The following DIP2A variants were observed in gnomAD, a reference collection of about 807,000 sequenced individuals.
DIP2A encodes DIP2 acetate--CoA ligase A.
A neutral mutation model predicts 177.4 loss-of-function variants in DIP2A; 85 were observed. The observed-to-expected ratio is 0.48, with a 90% CI of 0.40 to 0.57. DIP2A has a LOEUF of 0.57. Among genes scored for constraint, DIP2A ranks in the 20% least tolerant of loss-of-function variants. The pLI is 0.00. For synonymous variants in DIP2A, 886 were observed against 881.8 expected (o/e 1.00, Z -0.08); for missense variants, 1,791 against 2,100.2 (o/e 0.85, Z 2.88).
Position 46,570,002 on chromosome 21 carries a change from G to C in DIP2A, c.*2380G>C, listed in dbSNP as rs1294850318. The C allele has an allele frequency of 6.6e-6, 1 of 152,096 alleles. No individual in the cohort carries two copies. Among genetic ancestry groups the C allele is most frequent in the Non-Finnish European group, 1.5e-5 (1 of 68,022 alleles). The allele number at this position is 152,096 out of a possible 1,614,324, so 9.4% of individuals were successfully genotyped here. On this transcript the variant is annotated 3_prime_UTR_variant, in exon 38 of 38. Transcript: ENST00000417564. Reference sequence around the variant, plus strand: ...TTGCTTTTGTACTTAATAAATTATAGACTTTAAAATCTATTACATATATTC... The same window carrying C: ...TTGCTTTTGTACTTAATAAATTATACACTTTAAAATCTATTACATATATTC...
intron 1 of DIP2A, among the ~76,000 whole-genome samples, chr21:46,464,769 A>G (rs914219084): frequency 2.8e-5 from 4 of 141,298 alleles, no homozygotes; most frequent in African/African-American, 1.1e-4. Flanking sequence ...GCCGCTCAAC[A>G]CTGCTGCATT....
chr21:46,495,837 G>T lies in DIP2A; in HGVS notation c.284-1151G>T, dbSNP rs570492239. On this transcript the variant is annotated intron_variant, in intron 3 of 37. Transcript: ENST00000417564. ...ACCTATAATCCCAGCACTTACAGAGGCCAAGGCGGGCGGATCACCATGTCA... is the reference window on the plus strand; with the variant it reads ...ACCTATAATCCCAGCACTTACAGAGTCCAAGGCGGGCGGATCACCATGTCA... 2.1e-4 allele frequency among the ~76,000 whole-genome samples: 32 copies of T among 152,042 alleles called. 1 individual carries two copies. The South Asian group carries it at 6.6e-3, about 32-fold the overall frequency.
chr21:46,494,668 C>T (rs2057205993), intron 3 of DIP2A, among the ~76,000 whole-genome samples: 1 of 152,206 alleles, frequency 6.6e-6, no homozygotes, highest in South Asian at 2.1e-4. Flanking sequence ...TAGGTTGAGT[C>T]ACTGGCCTCC....
downstream of DIP2A, among the ~76,000 whole-genome samples, chr21:46,573,645 C>CAAAAAAAAAAAAAAAAAAAAAAAAAAAA (rs201994694): frequency 9.4e-5 from 5 of 52,978 alleles, no homozygotes; most frequent in Non-Finnish European, 1.4e-4. Context: ...CCCTCTCTCA[C>CAAAAAAAAAAAAAAAAAAAAAAAAAAAA]AAAAAAAAAA....
chr21:46,477,543 T>TTGTGTGTGTGTG (rs1555874551), intron 1 of DIP2A, among the ~76,000 whole-genome samples: 4,418 of 87,106 alleles, frequency 0.051, 184 homozygotes, highest in Non-Finnish European at 0.077. Context: ...AAAAAAAGAT[T>TTGTGTGTGTGTG]TGTGTGTGTG....
At chr21:46,504,223 A>G in intron 5 of DIP2A, 138 bp from the exon 6 acceptor site, 1 of 1,245,694 alleles carries the variant, frequency 8.0e-7, no homozygotes, top group East Asian at 2.5e-5. Context: ...AGCCAAGAAA[A>G]CAAATTAATG....
At chr21:46,570,154 ATGATTACAATTACTGCC>A (rs1194834901), downstream of DIP2A, among the ~76,000 whole-genome samples, 1 of 152,226 alleles carries the variant, frequency 6.6e-6, no homozygotes, top group African/African-American at 2.4e-5. Flanking sequence ...TTACACTGCC[ATGATTACAATTACTGCC>A]TTGGGCTCAG....
At chr21:46,529,861 A>G (rs1427643315) in intron 9 of DIP2A, among the ~76,000 whole-genome samples, 1 of 152,224 alleles carries the variant, frequency 6.6e-6, no homozygotes, top group Non-Finnish European at 1.5e-5. Context: ...CTATGTGTCC[A>G]GGTAACCTCC....
intron 3 of DIP2A, among the ~76,000 whole-genome samples, chr21:46,491,350 G>GA (rs1002560031): frequency 2.0e-5 from 3 of 151,978 alleles, no homozygotes; most frequent in South Asian, 4.1e-4. Context: ...GCCTTTTTCA[G>GA]AAAAAATTTT....
chr21:46,464,841 TTTTCAAGAAAACA>T (rs2054665404), intron 1 of DIP2A, among the ~76,000 whole-genome samples: 1 of 84,864 alleles, frequency 1.2e-5, no homozygotes, highest in African/African-American at 4.4e-5. Flanking sequence ...TTTTTTTTTT[TTTTCAAGAAAACA>T]CACAACAAAT....
chr21:46,541,659 G>T (rs1424030480), intron 17 of DIP2A, 97 bp from the exon 18 acceptor site: 1 of 1,421,438 alleles, frequency 7.0e-7, no homozygotes, highest in Admixed American at 1.7e-5. Flanking sequence ...ATGGAGCAGT[G>T]GCTTTGGTGC....
chr21:46,487,945 C>T (rs1395478934), intron 2 of DIP2A, among the ~76,000 whole-genome samples: 1 of 152,220 alleles, frequency 6.6e-6, no homozygotes, highest in East Asian at 1.9e-4. Flanking sequence ...TTTTCCTAAA[C>T]CTAGGATTGG....
chr21:46,486,057 T>G (rs1390551287), intron 2 of DIP2A, among the ~76,000 whole-genome samples: 1 of 107,502 alleles, frequency 9.3e-6, no homozygotes. Context: ...GGCGACAGAG[T>G]GGGACTTCAT....
In DIP2A at chr21:46,537,224, C is replaced by CT; in HGVS notation, c.1644dup (p.Glu549Ter). ...TGTCACCTTCTTTGTCCACTTGCAG[C>CT]TGAAACATTAACAAACGTGCTGGAT... is the stretch of plus-strand genomic sequence containing the variant. On this transcript the variant is annotated frameshift_variant and splice_region_variant, in exon 14 of 38. Coordinates refer to ENST00000417564, the MANE Select transcript of DIP2A (RefSeq NM_015151.4). LOFTEE classifies it high-confidence loss of function. This position sits in a 1 kb window ranked among gnomAD's most constrained non-coding sequence, Gnocchi z 4.1. 1 of 1,614,018 alleles carries CT rather than the reference C, an allele frequency of 6.2e-7. No homozygotes were observed. Among genetic ancestry groups the CT allele is most frequent in the Non-Finnish European group, 8.5e-7 (1 of 1,179,910 alleles).
chr21:46,546,782 G>T, intron 20 of DIP2A, 133 bp from the exon 21 acceptor site: 1 of 966,186 alleles, frequency 1.0e-6, no homozygotes. Context: ...TGGGTCTGTG[G>T]GGCATTGACC....
At position 46,567,834 on chromosome 21, in the gene DIP2A, C is replaced by A; in HGVS notation, c.*212C>A. 1 of 509,958 alleles carries A rather than the reference C, an allele frequency of 2.0e-6. No homozygotes were observed. Among genetic ancestry groups the A allele is most frequent in the Non-Finnish European group, 3.2e-6 (1 of 311,990 alleles). 31.6% of individuals were successfully genotyped at this position (509,958 alleles called of 1,614,324 possible). ...TCTGCCAAGTACATTTACAAAAACA[C>A]GGATGCTGGTATTTTAACAGATGGA... On this transcript the variant is annotated 3_prime_UTR_variant, in exon 38 of 38. Transcript: ENST00000417564.
At chr21:46,539,618 C>A in intron 16 of DIP2A, 1 of 487,734 alleles carries the variant, frequency 2.1e-6, no homozygotes, top group Non-Finnish European at 3.8e-6. Flanking sequence ...CCACATGCAG[C>A]ACCTTCCTGT....
intron 17 of DIP2A, 95 bp downstream of exon 17, chr21:46,540,086 C>A: frequency 9.6e-7 from 1 of 1,045,298 alleles, no homozygotes; most frequent in Middle Eastern, 2.1e-4. Context: ...CTGTTAGGAT[C>A]CAGGCCCATT....
In DIP2A at chr21:46,556,303, C is replaced by A. The variant is rs1601833103; in HGVS notation, c.3498+212C>A. 2.0e-6 allele frequency: 3 copies of A among 1,509,272 alleles called. No homozygotes were observed. Among genetic ancestry groups the A allele is most frequent in the Non-Finnish European group, 2.7e-6 (3 of 1,120,166 alleles). 93.5% of individuals were successfully genotyped at this position (1,509,272 alleles called of 1,614,324 possible). On this transcript the variant is annotated intron_variant, in intron 29 of 37. Transcript: ENST00000417564. The surrounding 1 kb of genome is among the most constrained non-coding windows in gnomAD (Gnocchi z 4.5). ...GTTTTCTGATGCATTATGGTTATGT[C>A]TAAACTTTCTGATTTATGACTGTCT...
Sources: gnomAD v4.1 joint callset for allele counts (sites outside exome capture counted in the v4.1 genomes callset) on GRCh38, gnomAD v4.1.1 for gene constraint, Gnocchi (gnomAD v3.1) non-coding constraint, MANE v1.5 for transcripts, NCBI Gene and HGNC (gene_info 2026-07-23, HGNC 2026-07-21) for gene names.